DCUN1D3: variants seen among roughly 807,000 people sequenced by gnomAD.
DCUN1D3 encodes the protein defective in cullin neddylation 1 domain containing 3.
Under a neutral mutation model 24.8 loss-of-function variants are expected in DCUN1D3, and 6 were observed. The observed-to-expected ratio is 0.24, with a 90% CI of 0.13 to 0.48. DCUN1D3 has a LOEUF of 0.48. Among genes scored for constraint, DCUN1D3 ranks in the 20% least tolerant of loss-of-function variants. DCUN1D3 has a pLI of 0.99. For synonymous variants in DCUN1D3, 120 were observed against 144.9 expected (o/e 0.83, Z 1.24); for missense variants, 258 against 379.4 (o/e 0.68, Z 2.66).
rs879494356 is a variant in DCUN1D3, at chr16:20,889,382, GA to G, written c.-106+10821del. The stretch of plus-strand genomic sequence containing the variant: ...ACTCCAGGCTGGGCAACAGAGTGAA[GA>G]AAAAAAAAAAAGGTAACATGAAATC... On this transcript the variant is annotated intron_variant, in intron 1 of 2. Coordinates refer to ENST00000324344, the MANE Select transcript of DCUN1D3 (RefSeq NM_173475.4). Among the ~76,000 whole-genome samples, 106 of 141,208 alleles carry G rather than the reference GA, an allele frequency of 7.5e-4. 1 individual carries two copies. The highest frequency in any genetic ancestry group is 5.8e-3 in the South Asian group (26 of 4,510). The allele number at this position is 141,208 out of a possible 152,430, so 92.6% of individuals were successfully genotyped here. A position where few individuals can be genotyped will look rare whatever the true frequency, so the allele number is the denominator to read the frequency against.
chr16:20,865,639 C>A (rs1275944118), intron 1 of DCUN1D3, among the ~76,000 whole-genome samples: 1 of 152,252 alleles, frequency 6.6e-6, no homozygotes, highest in East Asian at 1.9e-4. Context: ...GTCACCCGGG[C>A]CTCCCCAGGT....
At chr16:20,898,874 G>A (rs1567433446) in intron 1 of DCUN1D3, among the ~76,000 whole-genome samples, 2 of 152,194 alleles carry the variant, frequency 1.3e-5, no homozygotes, top group Admixed American at 1.3e-4. Flanking sequence ...TGTCTGAGAG[G>A]CTAGAAGAGT....
chr16:20,876,823 T>C (rs2081818112), intron 1 of DCUN1D3, among the ~76,000 whole-genome samples: 1 of 152,200 alleles, frequency 6.6e-6, no homozygotes, highest in Non-Finnish European at 1.5e-5. Flanking sequence ...TAGAGGTCAT[T>C]ACGTTAAGTG....
rs147289379 is a variant in DCUN1D3, at chr16:20,898,722, C to T, written c.-106+1482G>A. ...CTCAGTTACAGAAGGACAGGACTTA[C>T]GGGCACTTTCTAATCAAAGGACTCC... On this transcript the variant is annotated intron_variant, in intron 1 of 2. Transcript: ENST00000324344. Among the ~76,000 whole-genome samples, 3 of 152,314 alleles carry T rather than the reference C, an allele frequency of 2.0e-5. No homozygotes were observed. In the East Asian group the frequency reaches 5.8e-4, roughly 29 times the overall value.
At chr16:20,885,943 C>T (rs2081866310) in intron 1 of DCUN1D3, among the ~76,000 whole-genome samples, 1 of 151,902 alleles carries the variant, frequency 6.6e-6, no homozygotes, top group African/African-American at 2.4e-5. Flanking sequence ...CAAGTCAGAC[C>T]CTAACTTTAC....
chr16:20,885,689 G>A (rs80346657), intron 1 of DCUN1D3, among the ~76,000 whole-genome samples: 6,762 of 152,066 alleles, frequency 0.044, 541 homozygotes, highest in African/African-American at 0.16. Flanking sequence ...ACTACTACTC[G>A]TTTCCCTTCT....
intron 1 of DCUN1D3, among the ~76,000 whole-genome samples, chr16:20,871,262 A>C (rs1325456208): frequency 6.6e-6 from 1 of 152,206 alleles, no homozygotes; most frequent in Non-Finnish European, 1.5e-5. Flanking sequence ...TTGTCCTAAA[A>C]TGTACAGCAG....
chr16:20,866,983 T>C (rs999401867), intron 1 of DCUN1D3, among the ~76,000 whole-genome samples: 1 of 152,190 alleles, frequency 6.6e-6, no homozygotes, highest in African/African-American at 2.4e-5. Context: ...TGTTTTAAAG[T>C]TGAAGGTCTC....
chr16:20,885,940 G>T (rs1596638759), intron 1 of DCUN1D3, among the ~76,000 whole-genome samples: 1 of 151,940 alleles, frequency 6.6e-6, no homozygotes, highest in African/African-American at 2.4e-5. Context: ...GAACAAGTCA[G>T]ACCCTAACTT....
At chr16:20,862,780 A>G in intron 1 of DCUN1D3, 137 bp from the exon 2 acceptor site, 1 of 816,938 alleles carries the variant, frequency 1.2e-6, no homozygotes, top group Non-Finnish European at 1.8e-6. Flanking sequence ...TGAGTTCATC[A>G]TCCCCTTCAC....
At chr16:20,900,130 T>G in intron 1 of DCUN1D3, 74 bp downstream of exon 1, 1 of 93,676 alleles carries the variant, frequency 1.1e-5, no homozygotes, top group African/African-American at 4.2e-5. Flanking sequence ...TTCTCGAAGG[T>G]ACCCAACCCC....
chr16:20,884,524 A>G (rs2081859855), intron 1 of DCUN1D3, among the ~76,000 whole-genome samples: 1 of 152,224 alleles, frequency 6.6e-6, no homozygotes, highest in African/African-American at 2.4e-5. Flanking sequence ...AGGTGGTCTT[A>G]TAATTGTATA....
Position 20,857,901 on chromosome 16 carries a change from T to C in DCUN1D3, c.*1985A>G. 6.6e-6 allele frequency: 1 copy of C among 152,316 alleles called. No individual in the cohort carries two copies. Among genetic ancestry groups the C allele is most frequent in the Non-Finnish European group, 1.5e-5 (1 of 68,024 alleles). 9.4% of individuals were successfully genotyped at this position (152,316 alleles called of 1,614,324 possible). On this transcript the variant is annotated 3_prime_UTR_variant, in exon 3 of 3. Coordinates refer to ENST00000324344, the MANE Select transcript of DCUN1D3 (RefSeq NM_173475.4). ...GAAAAATACCAACTGCCAAAACTCT[T>C]TAATAATCCTTAAGATGGGAGCCCA...
chr16:20,887,292 A>T (rs897920134), intron 1 of DCUN1D3, among the ~76,000 whole-genome samples: 1 of 152,218 alleles, frequency 6.6e-6, no homozygotes, highest in Non-Finnish European at 1.5e-5. Context: ...ACAGAGCAAG[A>T]TTCCATCTCA....
At chr16:20,897,015 C>T (rs1331238110) in intron 1 of DCUN1D3, among the ~76,000 whole-genome samples, 1 of 152,168 alleles carries the variant, frequency 6.6e-6, no homozygotes, top group Non-Finnish European at 1.5e-5. Flanking sequence ...ATACTAGAAC[C>T]TAAAACAGGT....
At chr16:20,892,757 G>C (rs1055752624) in intron 1 of DCUN1D3, among the ~76,000 whole-genome samples, 8 of 151,956 alleles carry the variant, frequency 5.3e-5, no homozygotes, top group African/African-American at 1.9e-4. Flanking sequence ...GGTTGGTTTG[G>C]GGGGGAAAAA....
At chr16:20,861,087 C>G (rs934991653) in intron 2 of DCUN1D3, among the ~76,000 whole-genome samples, 1 of 152,166 alleles carries the variant, frequency 6.6e-6, no homozygotes, top group African/African-American at 2.4e-5. Flanking sequence ...ATTCACAACC[C>G]CGTGCTCTAC....
intron 1 of DCUN1D3, among the ~76,000 whole-genome samples, chr16:20,884,288 C>G (rs917116466): frequency 6.6e-6 from 1 of 152,138 alleles, no homozygotes; most frequent in Non-Finnish European, 1.5e-5. Flanking sequence ...CACAAAAGAT[C>G]TTAACCAAGA....
At chr16:20,867,554 T>C (rs1202003211) in intron 1 of DCUN1D3, among the ~76,000 whole-genome samples, 2 of 152,252 alleles carry the variant, frequency 1.3e-5, no homozygotes, top group Non-Finnish European at 2.9e-5. Context: ...TTGACCCTAA[T>C]GGAAGCCTGA....
Sources: gnomAD v4.1 joint callset for allele counts (sites outside exome capture counted in the v4.1 genomes callset) on GRCh38, gnomAD v4.1.1 for gene constraint, MANE v1.5 for transcripts, NCBI Gene and HGNC (gene_info 2026-07-23, HGNC 2026-07-21) for gene names.